Variants in PDE1A observed in about 807,000 individuals in gnomAD.
PDE1A encodes the protein phosphodiesterase 1A.
A neutral mutation model predicts 61.7 loss-of-function variants in PDE1A; 35 were observed. The observed-to-expected ratio is 0.57, with a 90% confidence interval of 0.43 to 0.75. The LOEUF (loss-of-function observed/expected upper bound fraction) is 0.75, where lower values mean the gene tolerates loss of function less well. Ranked by LOEUF, PDE1A falls within the 30% of genes least tolerant of loss-of-function variation. The probability of loss-of-function intolerance (pLI) is 0.00; values close to 1 mark genes in which losing one functional copy is unlikely to be tolerated. For missense variants in PDE1A, 597 were observed against 630.6 expected, an observed-to-expected ratio of 0.95 and a Z score of 0.57; for synonymous variants, 232 against 213.2, an observed-to-expected ratio of 1.09 and a Z score of -0.77.
intron 1 of PDE1A, among the ~76,000 whole-genome samples, chr2:182,342,411 C>T (rs1024019947): frequency 2.6e-5 from 4 of 152,148 alleles, no homozygotes; most frequent in East Asian, 1.9e-4. Flanking sequence ...AGGCCAGGCA[C>T]GGTGGCTCAC....
At chr2:182,424,533 A>G (rs1703483469) in intron 1 of PDE1A, among the ~76,000 whole-genome samples, 1 of 152,182 alleles carries the variant, frequency 6.6e-6, no homozygotes, top group African/African-American at 2.4e-5. Context: ...GGAAAGCCTA[A>G]GAGAACAAGG....
At chr2:182,153,535 G>A (rs1690907976) in intron 13 of PDE1A, among the ~76,000 whole-genome samples, 1 of 152,182 alleles carries the variant, frequency 6.6e-6, no homozygotes, top group Non-Finnish European at 1.5e-5. Context: ...ATTCCTAGAA[G>A]GGAACTTTGT....
At chr2:182,626,838 C>CATATATATATAT in the PDE1A span, among the ~76,000 whole-genome samples, 2 of 10,030 alleles carry the variant, frequency 2.0e-4, no homozygotes, top group Non-Finnish European at 4.2e-4. Flanking sequence ...TATATATATA[C>CATATATATATAT]ATATATATAC....
chr2:182,224,471 C>A (rs1688980202), intron 6 of PDE1A, among the ~76,000 whole-genome samples: 1 of 151,838 alleles, frequency 6.6e-6, no homozygotes, highest in Non-Finnish European at 1.5e-5. Context: ...TTCTGAAATT[C>A]ACAAATTTTT....
the PDE1A span, among the ~76,000 whole-genome samples, chr2:182,613,378 C>T: frequency 7.2e-5 from 11 of 152,044 alleles, no homozygotes; most frequent in East Asian, 1.9e-3. Flanking sequence ...TTGGCTAACA[C>T]GGTGAAACCC....
chr2:182,440,398 A>T (rs184371707), intron 2 of PDE1A, among the ~76,000 whole-genome samples: 1 of 152,210 alleles, frequency 6.6e-6, no homozygotes, highest in Non-Finnish European at 1.5e-5. Context: ...TCTAACAGAA[A>T]GTAACTGTGG....
chr2:182,512,771 G>A (rs11677709), intron 2 of PDE1A, among the ~76,000 whole-genome samples: 10,037 of 152,242 alleles, frequency 0.066, 353 homozygotes, highest in Middle Eastern at 0.1. Context: ...TGTTCTGATA[G>A]AGCTGAAAAA....
chr2:182,236,923 T>G (rs770868106), intron 3 of PDE1A, among the ~76,000 whole-genome samples: 3 of 152,220 alleles, frequency 2.0e-5, no homozygotes, highest in Non-Finnish European at 2.9e-5. Flanking sequence ...TTTCTAATTC[T>G]ATAATCAGGA....
chr2:182,373,399 C>T (rs945317999), intron 1 of PDE1A, among the ~76,000 whole-genome samples: 4 of 152,002 alleles, frequency 2.6e-5, no homozygotes, highest in South Asian at 2.1e-4. Flanking sequence ...ATTACTTCTT[C>T]GACAATCTAT....
At chr2:182,363,868 A>C (rs2125188170) in intron 1 of PDE1A, among the ~76,000 whole-genome samples, 1 of 152,170 alleles carries the variant, frequency 6.6e-6, no homozygotes, top group Non-Finnish European at 1.5e-5. Context: ...CGAACTATGC[A>C]TATAAGATTT....
intron 2 of PDE1A, among the ~76,000 whole-genome samples, chr2:182,490,765 G>A (rs921499057): frequency 1.3e-5 from 2 of 152,186 alleles, no homozygotes; most frequent in African/African-American, 4.8e-5. Flanking sequence ...GCAAGCTAAA[G>A]CAGGCACAAT....
the PDE1A span, among the ~76,000 whole-genome samples, chr2:182,647,963 G>A: frequency 6.6e-6 from 1 of 152,132 alleles, no homozygotes; most frequent in African/African-American, 2.4e-5. Flanking sequence ...GTATCGGCAG[G>A]TTAACCTCAC....
At chr2:182,306,938 A>T (rs1327673990) in intron 1 of PDE1A, among the ~76,000 whole-genome samples, 1 of 152,210 alleles carries the variant, frequency 6.6e-6, no homozygotes, top group Non-Finnish European at 1.5e-5. Flanking sequence ...CAAAAGCAAA[A>T]GTAGATAAAC....
chr2:182,250,456 T>G (rs1691312268), intron 2 of PDE1A, among the ~76,000 whole-genome samples: 1 of 152,240 alleles, frequency 6.6e-6, no homozygotes, highest in Non-Finnish European at 1.5e-5. Flanking sequence ...TAAATACATT[T>G]GAATTATTTC....
At chr2:182,318,442 A>C (rs1696485713) in intron 1 of PDE1A, among the ~76,000 whole-genome samples, 1 of 152,170 alleles carries the variant, frequency 6.6e-6, no homozygotes, top group Non-Finnish European at 1.5e-5. Flanking sequence ...GTCATTTTCA[A>C]TATCCTTCAT....
the PDE1A span, among the ~76,000 whole-genome samples, chr2:182,573,963 A>AT: frequency 2.0e-4 from 19 of 94,494 alleles, no homozygotes; most frequent in Admixed American, 4.1e-4. Flanking sequence ...ATATTTATAT[A>AT]TTTTTTTATA....
At chr2:182,326,289 G>C (rs1017902359) in intron 1 of PDE1A, among the ~76,000 whole-genome samples, 2 of 152,112 alleles carry the variant, frequency 1.3e-5, no homozygotes, top group African/African-American at 2.4e-5. Context: ...ACCATTACTC[G>C]TAACAGCCAA....
chr2:182,195,543 C>T (rs1686066454), intron 10 of PDE1A, among the ~76,000 whole-genome samples: 1 of 152,092 alleles, frequency 6.6e-6, no homozygotes, highest in South Asian at 2.1e-4. Context: ...TAACAAGAAA[C>T]ACAAGATGTT....
the PDE1A span, among the ~76,000 whole-genome samples, chr2:182,553,689 G>A: frequency 6.6e-6 from 1 of 152,224 alleles, no homozygotes; most frequent in South Asian, 2.1e-4. Context: ...TTGCCTGGGA[G>A]GAGTTGAGAG....
Sources: gnomAD v4.1 joint callset for allele counts (sites outside exome capture counted in the v4.1 genomes callset) on GRCh38, gnomAD v4.1.1 for gene constraint, MANE v1.5 for transcripts, NCBI Gene and HGNC (gene_info 2026-07-23, HGNC 2026-07-21) for gene names.